The following PSKH1 variants were observed in gnomAD, a reference collection of about 807,000 sequenced individuals.
PSKH1 encodes the protein serine/threonine-protein kinase H1.
In PSKH1, 12 loss-of-function variants were observed where a neutral mutation model predicts 26.7. The ratio of observed to expected loss-of-function variants is 0.45; its 90% CI spans 0.29 to 0.73. The LOEUF is 0.73. PSKH1 is among the 30% of genes least tolerant of loss of function. The pLI, the probability that PSKH1 is intolerant of heterozygous loss-of-function variation, is 0.11. For synonymous variants in PSKH1, 213 were observed against 234.3 expected (o/e 0.91, Z 0.83); for missense variants, 431 against 595.2 (o/e 0.72, Z 2.87).
chr16:67,917,296 A>C (rs1447921601), intron 2 of PSKH1, among the ~76,000 whole-genome samples: 1 of 152,170 alleles, frequency 6.6e-6, no homozygotes, highest in Non-Finnish European at 1.5e-5. Flanking sequence ...TTGGCTTCAG[A>C]GTTCTTGGCC....
At position 67,908,979 on chromosome 16, in the gene PSKH1, C is replaced by T. The variant is rs1230609617; in HGVS notation, c.230C>T (p.Pro77Leu). 8.1e-6 allele frequency: 13 copies of T among 1,613,938 alleles called. No individual in the cohort carries two copies. The highest frequency in any genetic ancestry group is 1.7e-5 in the Admixed American group (1 of 59,992). Residue 77 changes from proline to leucine, a missense_variant, in exon 2 of 3, where the codon CCA (proline) becomes CTA (leucine). Transcript: ENST00000291041. ...TAGHTEPPSE[P>L]PRRARVAKYR... is the part of the protein sequence containing the mutation. ...GGCCACACGGAGCCTCCCTCAGAACCACCACGCAGGGCCAGGGTAGCTAAG... is the reference window on the plus strand; with the variant it reads ...GGCCACACGGAGCCTCCCTCAGAACTACCACGCAGGGCCAGGGTAGCTAAG...
In PSKH1 at chr16:67,927,563, G is replaced by A. The variant is rs968616577; in HGVS notation, c.1196G>A (p.Arg399His). Residue 399 changes from arginine (R) to histidine (H), a missense_variant, in exon 3 of 3, where the codon CGC becomes CAC. Transcript: ENST00000291041. The surrounding 1 kb of genome is among the most constrained non-coding windows in gnomAD (Gnocchi z 5.5). ...TCCACGCGTTCCAGCCGCTCCACAC[G>A]CTCCAATAAGTCACGCCGTGTGCGG... ...AQSTRSSRST[R>H]SNKSRRVRER... is the part of the protein sequence containing the mutation. 7 of 1,613,824 alleles carry A rather than the reference G, an allele frequency of 4.3e-6. No individual in the cohort carries two copies. Among genetic ancestry groups the A allele is most frequent in the Non-Finnish European group, 5.9e-6 (7 of 1,180,036 alleles).
intron 2 of PSKH1, among the ~76,000 whole-genome samples, chr16:67,916,183 T>C (rs1279678734): frequency 6.6e-6 from 1 of 151,852 alleles, no homozygotes; most frequent in Non-Finnish European, 1.5e-5. Context: ...AGAGAGAGAG[T>C]GTTCCATGAT....
chr16:67,905,847 TC>T (rs1384376650), intron 1 of PSKH1, among the ~76,000 whole-genome samples: 12 of 152,050 alleles, frequency 7.9e-5, no homozygotes, highest in Non-Finnish European at 1.5e-4. Context: ...TGAAGGAGAC[TC>T]CATCTCAAAA....
chr16:67,895,934 T>G (rs1284280855), intron 1 of PSKH1, among the ~76,000 whole-genome samples: 1 of 152,160 alleles, frequency 6.6e-6, no homozygotes, highest in African/African-American at 2.4e-5. Flanking sequence ...AGTCCTAATT[T>G]CCTTATTCCA....
intron 2 of PSKH1, among the ~76,000 whole-genome samples, chr16:67,918,683 T>C (rs2058194180): frequency 6.7e-6 from 1 of 149,398 alleles, no homozygotes; most frequent in African/African-American, 2.5e-5. Context: ...CCTCCACCTT[T>C]TGGGTTCAAG....
intron 2 of PSKH1, among the ~76,000 whole-genome samples, chr16:67,926,750 C>A (rs1050062332): frequency 6.6e-6 from 1 of 151,526 alleles, no homozygotes; most frequent in African/African-American, 2.4e-5. Flanking sequence ...TTCCTGGTCC[C>A]GGGATCGCCT....
chr16:67,909,387 G>A lies in PSKH1; in HGVS notation c.638G>A (p.Gly213Asp). ...GGCGTCCGGTATCTGCATGCACTGG[G>A]CATCACACACCGAGACCTCAAACCT... Reference protein sequence around the residue: ...LDGVRYLHALGITHRDLKPEN... With the variant: ...LDGVRYLHALDITHRDLKPEN... The change falls in exon 2 of 3, where the codon GGC becomes GAC. Residue 213 changes from glycine to aspartate, a missense_variant. By Grantham distance (94) the Gly-to-Asp change is moderately conservative. Coordinates refer to ENST00000291041, the MANE Select transcript of PSKH1 (RefSeq NM_006742.3). The surrounding 1 kb of genome is among the most constrained non-coding windows in gnomAD (Gnocchi z 7.8). The A allele has an allele frequency of 6.2e-7, 1 of 1,613,834 alleles. No individual in the cohort carries two copies. The highest frequency in any genetic ancestry group is 8.5e-7 in the Non-Finnish European group (1 of 1,179,990).
intron 1 of PSKH1, among the ~76,000 whole-genome samples, chr16:67,905,011 G>C (rs112246459): frequency 6.6e-6 from 1 of 150,972 alleles, no homozygotes; most frequent in African/African-American, 2.4e-5. Context: ...TATTTTTAGT[G>C]GAGACGGGGT....
intron 2 of PSKH1, among the ~76,000 whole-genome samples, chr16:67,923,341 C>G (rs2058207995): frequency 1.3e-5 from 2 of 152,192 alleles, no homozygotes; most frequent in South Asian, 4.1e-4. Context: ...AGGCAGCCAG[C>G]TTGATGGTCA....
chr16:67,909,327 G>A lies in PSKH1; in HGVS notation c.578G>A (p.Arg193His), dbSNP rs764318654. ...ATTGCCAAGGGCTCCTTCACCGAGC[G>A]TGACGCCACGCGGGTGCTGCAGATG... Reference protein sequence around the residue: ...RIIAKGSFTERDATRVLQMVL... With the variant: ...RIIAKGSFTEHDATRVLQMVL... Residue 193 changes from arginine (R) to histidine (H), a missense_variant, in exon 2 of 3, where the codon CGT becomes CAT. Transcript: ENST00000291041. The surrounding 1 kb of genome is among the most constrained non-coding windows in gnomAD (Gnocchi z 7.8). The A allele has an allele frequency of 1.2e-5, 20 of 1,613,948 alleles. No individual in the cohort carries two copies. The highest frequency in any genetic ancestry group is 3.3e-5 in the South Asian group (3 of 91,070).
intron 2 of PSKH1, among the ~76,000 whole-genome samples, chr16:67,926,703 C>G (rs563321976): frequency 6.6e-6 from 1 of 151,974 alleles, no homozygotes; most frequent in Non-Finnish European, 1.5e-5. Context: ...AGAAGTAATG[C>G]GGGCCAGAGG....
chr16:67,899,750 C>T lies in PSKH1; in HGVS notation c.-71+6379C>T, dbSNP rs550608100. On this transcript the variant is annotated intron_variant, in intron 1 of 2. Coordinates refer to ENST00000291041, the MANE Select transcript of PSKH1 (RefSeq NM_006742.3). Reference sequence around the variant, plus strand: ...GCAACCTCTGCCTCTCAGGTTCAAGCGATTTTCCAGCCTCAGCCTCCCAAG... The same window carrying T: ...GCAACCTCTGCCTCTCAGGTTCAAGTGATTTTCCAGCCTCAGCCTCCCAAG... Among the ~76,000 whole-genome samples the T allele has an allele frequency of 9.3e-5, 14 of 150,116 alleles. No individual in the cohort carries two copies. In the East Asian group the frequency reaches 2.0e-3, roughly 21 times the overall value.
chr16:67,899,941 G>A (rs1227420295), intron 1 of PSKH1, among the ~76,000 whole-genome samples: 5 of 151,528 alleles, frequency 3.3e-5, no homozygotes, highest in Non-Finnish European at 7.4e-5. Context: ...GAGCCACTGT[G>A]CCCTGCCTGT....
At chr16:67,913,477 T>G (rs118027613) in intron 2 of PSKH1, among the ~76,000 whole-genome samples, 196 of 152,130 alleles carry the variant, frequency 1.3e-3, no homozygotes, top group Middle Eastern at 3.4e-3. Flanking sequence ...AATTTTTTTT[T>G]TTAAAAAGCC....
At chr16:67,901,933 T>TACCTTTC (rs2058143174) in intron 1 of PSKH1, among the ~76,000 whole-genome samples, 1 of 152,090 alleles carries the variant, frequency 6.6e-6, no homozygotes, top group African/African-American at 2.4e-5. Context: ...GATGCTGACT[T>TACCTTTC]ACCTTTGATC....
chr16:67,913,479 T>TA (rs1232301825), intron 2 of PSKH1, among the ~76,000 whole-genome samples: 1 of 151,506 alleles, frequency 6.6e-6, no homozygotes, highest in Non-Finnish European at 1.5e-5. Flanking sequence ...TTTTTTTTTT[T>TA]AAAAAGCCTG....
chr16:67,915,466 G>A (rs1318428193), intron 2 of PSKH1, among the ~76,000 whole-genome samples: 1 of 152,046 alleles, frequency 6.6e-6, no homozygotes, highest in Non-Finnish European at 1.5e-5. Flanking sequence ...CTTATCATGA[G>A]ATCAGGCTCT....
At chr16:67,914,448 C>T (rs760049763) in intron 2 of PSKH1, among the ~76,000 whole-genome samples, 6 of 150,630 alleles carry the variant, frequency 4.0e-5, no homozygotes, top group Non-Finnish European at 8.9e-5. Context: ...CCACTGTGTC[C>T]GGTCTGAATT....
Sources: gnomAD v4.1 joint callset for allele counts (sites outside exome capture counted in the v4.1 genomes callset) on GRCh38, gnomAD v4.1.1 for gene constraint, Gnocchi (gnomAD v3.1) non-coding constraint, MANE v1.5 for transcripts, NCBI Gene and HGNC (gene_info 2026-07-23, HGNC 2026-07-21) for gene names.